The following CNBD1 variants were observed in gnomAD, a reference collection of about 807,000 sequenced individuals.
CNBD1 encodes the protein cyclic nucleotide-binding domain-containing protein 1.
CNBD1 carries 71 observed loss-of-function variants against 54.4 expected under a neutral mutation model. The observed-to-expected ratio is 1.30, with a 90% CI of 1.08 to 1.59. The LOEUF is 1.59. CNBD1 is among the 40% of genes most tolerant of loss of function. CNBD1 has a pLI of 0.00. For missense variants in CNBD1, 659 were observed against 518.0 expected (o/e 1.27, Z -2.64); for synonymous variants, 182 against 170.7 (o/e 1.07, Z -0.51).
intron 4 of CNBD1, among the ~76,000 whole-genome samples, chr8:87,184,039 C>A (rs1018847578): frequency 1.3e-5 from 2 of 152,154 alleles, no homozygotes; most frequent in African/African-American, 4.8e-5. Context: ...TCTGTGCTCA[C>A]CACTGGGGTG....
chr8:87,387,080 C>T (rs1811205205), downstream of CNBD1, among the ~76,000 whole-genome samples: 1 of 152,176 alleles, frequency 6.6e-6, no homozygotes, highest in South Asian at 2.1e-4. Context: ...ACCACCAGGC[C>T]TGCCCTAAAA....
intron 8 of CNBD1, among the ~76,000 whole-genome samples, chr8:87,296,285 A>G (rs909140019): frequency 3.3e-5 from 5 of 152,192 alleles, no homozygotes; most frequent in African/African-American, 1.2e-4. Context: ...TTGGCAATAC[A>G]TACTTTTGGG....
intron 4 of CNBD1, among the ~76,000 whole-genome samples, chr8:87,146,752 A>G (rs563080141): frequency 1.4e-3 from 206 of 152,152 alleles, no homozygotes; most frequent in African/African-American, 3.0e-3. Flanking sequence ...TAATTTTTCC[A>G]TCTTATTATG....
At chr8:87,230,388 A>G (rs1162266039) in intron 5 of CNBD1, among the ~76,000 whole-genome samples, 1 of 152,196 alleles carries the variant, frequency 6.6e-6, no homozygotes, top group Non-Finnish European at 1.5e-5. Flanking sequence ...AAACTAACAT[A>G]CATTTGTAGG....
At chr8:87,168,526 C>T (rs767642704) in intron 4 of CNBD1, among the ~76,000 whole-genome samples, 11 of 151,782 alleles carry the variant, frequency 7.2e-5, no homozygotes, top group Non-Finnish European at 1.5e-4. Context: ...TCTTATTTAT[C>T]CTTTCCATTT....
At chr8:87,308,398 T>C (rs1809199800) in intron 8 of CNBD1, among the ~76,000 whole-genome samples, 1 of 152,186 alleles carries the variant, frequency 6.6e-6, no homozygotes, top group Admixed American at 6.6e-5. Context: ...AATTAGTTAA[T>C]AGGACTGTCT....
chr8:87,388,138 A>G (rs1229232296), intron 2 of CNBD1, among the ~76,000 whole-genome samples: 2 of 152,226 alleles, frequency 1.3e-5, no homozygotes, highest in Non-Finnish European at 2.9e-5. Context: ...CTAAATGCCC[A>G]CAAGAGAAAG....
At chr8:87,019,518 T>C (rs547982893) in intron 4 of CNBD1, among the ~76,000 whole-genome samples, 10 of 152,188 alleles carry the variant, frequency 6.6e-5, no homozygotes, top group Non-Finnish European at 1.5e-4. Context: ...GAACCAGGCA[T>C]TTCTTGCATT....
intron 8 of CNBD1, among the ~76,000 whole-genome samples, chr8:87,342,153 G>A (rs1810078100): frequency 6.6e-6 from 1 of 152,046 alleles, no homozygotes; most frequent in African/African-American, 2.4e-5. Flanking sequence ...GGCATCTGTA[G>A]TCCCAGCTAC....
At chr8:87,373,947 A>G (rs555726541) in intron 10 of CNBD1, among the ~76,000 whole-genome samples, 1 of 151,786 alleles carries the variant, frequency 6.6e-6, no homozygotes, top group Non-Finnish European at 1.5e-5. Context: ...ATATTGCTTA[A>G]TTGTTAGAAG....
downstream of CNBD1, among the ~76,000 whole-genome samples, chr8:87,386,401 A>G (rs1414778633): frequency 6.6e-6 from 1 of 152,196 alleles, no homozygotes; most frequent in Non-Finnish European, 1.5e-5. Context: ...AGAATAACCA[A>G]TACAGAGAAG....
intron 8 of CNBD1, among the ~76,000 whole-genome samples, chr8:87,295,599 T>C (rs1483471751): frequency 6.6e-6 from 1 of 152,090 alleles, no homozygotes; most frequent in Non-Finnish European, 1.5e-5. Context: ...CCCAGGCAAC[T>C]ACTGAAGCTC....
At chr8:87,032,399 CTAAAG>C (rs1172601770) in intron 4 of CNBD1, among the ~76,000 whole-genome samples, 1 of 151,994 alleles carries the variant, frequency 6.6e-6, no homozygotes, top group Non-Finnish European at 1.5e-5. Flanking sequence ...TATTCTTACA[CTAAAG>C]TAAGCTAGAG....
intron 4 of CNBD1, among the ~76,000 whole-genome samples, chr8:87,016,456 A>G (rs1247347852): frequency 2.3e-5 from 2 of 87,334 alleles, no homozygotes; most frequent in East Asian, 6.3e-4. Context: ...AAATTAAATG[A>G]AAAAAAAAAA....
At chr8:87,278,217 A>G (rs1006281847) in intron 6 of CNBD1, among the ~76,000 whole-genome samples, 4 of 151,620 alleles carry the variant, frequency 2.6e-5, no homozygotes, top group Non-Finnish European at 5.9e-5. Context: ...TAAGTATGCA[A>G]TTAAAAGCCC....
rs370589297 is a variant in CNBD1, at chr8:86,984,764, C to T, written c.431+45010C>T. 1.3e-3 allele frequency among the ~76,000 whole-genome samples: 192 copies of T among 152,274 alleles called. 1 individual carries two copies. The highest frequency in any genetic ancestry group is 4.5e-3 in the African/African-American group (185 of 41,562). On this transcript the variant is annotated intron_variant, in intron 4 of 10. Transcript: ENST00000518476. The stretch of plus-strand genomic sequence containing the variant: ...GTATATTTACCCAAGGCCCATACCC[C>T]CATTGTATCTAGGAAGTAACTAACT...
At chr8:87,394,466 A>G (rs547514368) in intron 2 of CNBD1, among the ~76,000 whole-genome samples, 1 of 151,856 alleles carries the variant, frequency 6.6e-6, no homozygotes, top group Non-Finnish European at 1.5e-5. Context: ...TTCTCCCCTT[A>G]TTCTTTCTGT....
rs902633933 is a variant in CNBD1 at position 87,048,435 on chromosome 8, TGA to T, written c.431+108687_431+108688del. On this transcript the variant is annotated intron_variant, in intron 4 of 10. Coordinates refer to ENST00000518476, the MANE Select transcript of CNBD1 (RefSeq NM_173538.3). ...AGTAACCCAAGGGAGGTGAGTTTCT[TGA>T]GAGAGCTTCCTCAGGTACCTCTTAA... 7.2e-5 allele frequency among the ~76,000 whole-genome samples: 11 copies of T among 152,290 alleles called. No individual in the cohort carries two copies. In the South Asian group the frequency reaches 2.3e-3, roughly 32 times the overall value.
chr8:87,077,412 C>CTTTTTTTTTTTTTTTTT (rs374931620), intron 4 of CNBD1, among the ~76,000 whole-genome samples: 2 of 129,590 alleles, frequency 1.5e-5, no homozygotes, highest in Non-Finnish European at 1.6e-5. Flanking sequence ...TCTTCTTCTT[C>CTTTTTTTTTTTTTTTTT]TTTTTTTTTT....
Sources: gnomAD v4.1 joint callset for allele counts (sites outside exome capture counted in the v4.1 genomes callset) on GRCh38, gnomAD v4.1.1 for gene constraint, MANE v1.5 for transcripts, NCBI Gene and HGNC (gene_info 2026-07-23, HGNC 2026-07-21) for gene names.